ANXA2: variants seen among roughly 807,000 people sequenced by gnomAD.
The protein encoded by ANXA2 is annexin II.
Under a neutral mutation model 47.3 loss-of-function variants are expected in ANXA2, and 28 were observed. The observed-to-expected ratio is 0.59, with a 90% CI of 0.44 to 0.81. The LOEUF is 0.81. ANXA2 is among the 40% of genes least tolerant of loss of function. The pLI, the probability that ANXA2 is intolerant of heterozygous loss-of-function variation, is 0.00. For synonymous variants in ANXA2, 172 were observed against 155.5 expected (o/e 1.11, Z -0.79); for missense variants, 384 against 414.3 (o/e 0.93, Z 0.64).
At chr15:60,360,912 G>C (rs2062502721) in intron 5 of ANXA2, 29 bp downstream of exon 5, 8 of 1,360,604 alleles carry the variant, frequency 5.9e-6, no homozygotes, top group Non-Finnish European at 8.4e-6. Context: ...TAGCAGATTT[G>C]ACAGAGATGA....
intron 3 of ANXA2, among the ~76,000 whole-genome samples, chr15:60,366,258 C>T (rs1302685114): frequency 1.4e-3 from 205 of 151,476 alleles, no homozygotes; most frequent in South Asian, 6.3e-4. Context: ...AGCCTCTGCC[C>T]GGCCGCCACC....
At position 60,347,447 on chromosome 15, in the gene ANXA2, T is replaced by C; in HGVS notation, c.*183A>G. 1.6e-6 allele frequency: 1 copy of C among 616,976 alleles called. No homozygotes were observed. Among genetic ancestry groups the C allele is most frequent in the East Asian group, 2.7e-5 (1 of 36,588 alleles). The allele number at this position is 616,976 out of a possible 1,614,324, so 38.2% of individuals were successfully genotyped here. On this transcript the variant is annotated 3_prime_UTR_variant, in exon 13 of 13. Coordinates refer to ENST00000451270, the MANE Select transcript of ANXA2 (RefSeq NM_004039.3). ...CCTTGGAATGTTCATTTCTTTGGCT[T>C]ACAGGAGAGACTAGACAGGAAGGCC... is the stretch of plus-strand genomic sequence containing the variant.
chr15:60,374,482 G>A (rs1472435647), intron 3 of ANXA2: 4 of 456,076 alleles, frequency 8.8e-6, no homozygotes, highest in Middle Eastern at 3.3e-4. Context: ...TGGCATTGCT[G>A]ACACCAGATT....
At chr15:60,396,439 G>A (rs2063082177) in intron 1 of ANXA2, 1 of 151,934 alleles carries the variant, frequency 6.6e-6, no homozygotes. Flanking sequence ...TAAGGAGGTG[G>A]AAGGTGGAAA....
At chr15:60,357,689 G>A (rs924574494) in intron 5 of ANXA2, among the ~76,000 whole-genome samples, 2 of 152,000 alleles carry the variant, frequency 1.3e-5, no homozygotes, top group Non-Finnish European at 1.5e-5. Flanking sequence ...GCTACCCTGG[G>A]AGGCTGAGGC....
chr15:60,384,697 T>TA (rs966827833), intron 2 of ANXA2: 1 of 152,202 alleles, frequency 6.6e-6, no homozygotes, highest in Non-Finnish European at 1.5e-5. Context: ...AAAAAGATTT[T>TA]AAAAAAACTC....
chr15:60,377,150 T>G (rs2062791093), intron 3 of ANXA2, among the ~76,000 whole-genome samples: 1 of 152,204 alleles, frequency 6.6e-6, no homozygotes, highest in Non-Finnish European at 1.5e-5. Flanking sequence ...CAAGGTGTGG[T>G]GTAAGCTTCT....
intron 4 of ANXA2, among the ~76,000 whole-genome samples, chr15:60,362,307 G>A (rs188141096): frequency 5.8e-4 from 89 of 152,244 alleles, no homozygotes; most frequent in African/African-American, 2.0e-3. Context: ...GGCACCTACT[G>A]ACTTCTTCCA....
intron 3 of ANXA2, chr15:60,374,793 G>A (rs1210139242): frequency 2.3e-6 from 1 of 433,898 alleles, no homozygotes; most frequent in South Asian, 1.6e-5. Flanking sequence ...GCTGTAAGAT[G>A]AGAAGTCAGT....
intron 7 of ANXA2, 134 bp from the exon 8 acceptor site, chr15:60,354,347 G>T: frequency 1.3e-6 from 1 of 779,738 alleles, no homozygotes; most frequent in Non-Finnish European, 2.0e-6. Flanking sequence ...TTCTTACTTT[G>T]AAACATAGAT....
intron 5 of ANXA2, among the ~76,000 whole-genome samples, chr15:60,358,958 T>C (rs1006933332): frequency 5.3e-5 from 8 of 152,222 alleles, no homozygotes; most frequent in Non-Finnish European, 7.3e-5. Flanking sequence ...AAAGGTGACC[T>C]TGGCAATTTC....
intron 11 of ANXA2, among the ~76,000 whole-genome samples, chr15:60,349,885 C>G (rs144556340): frequency 0.14 from 7,243 of 52,540 alleles, 495 homozygotes; most frequent in Middle Eastern, 0.22. Context: ...GGCAAGGAGG[C>G]AGGAGAAGGC....
chr15:60,363,044 A>AC (rs1566936075), intron 4 of ANXA2: 1 of 150,678 alleles, frequency 6.6e-6, no homozygotes, highest in African/African-American at 2.5e-5. Flanking sequence ...AAAAAAAAAA[A>AC]AAAAAAAAAA....
intron 1 of ANXA2, among the ~76,000 whole-genome samples, chr15:60,397,682 A>C (rs2063100038): frequency 6.8e-6 from 1 of 147,770 alleles, no homozygotes; most frequent in Non-Finnish European, 1.5e-5. Context: ...CTTCTTAGAG[A>C]AGCCCGACCC....
At chr15:60,378,704 A>G in intron 3 of ANXA2, among the ~76,000 whole-genome samples, 1 of 152,184 alleles carries the variant, frequency 6.6e-6, no homozygotes, top group East Asian at 1.9e-4. Context: ...GGTGTCTCAT[A>G]CCTGTAATCC....
At chr15:60,372,276 TC>T (rs2062720750) in intron 3 of ANXA2, among the ~76,000 whole-genome samples, 1 of 152,024 alleles carries the variant, frequency 6.6e-6, no homozygotes, top group South Asian at 2.1e-4. Flanking sequence ...GCCATTGTCA[TC>T]CCGGTTGTAC....
intron 2 of ANXA2, chr15:60,385,789 C>T (rs775436770): frequency 1.3e-5 from 6 of 448,452 alleles, no homozygotes; most frequent in Non-Finnish European, 2.4e-5. Context: ...TCCAGCCATT[C>T]CAGTGTCACT....
intron 3 of ANXA2, among the ~76,000 whole-genome samples, chr15:60,365,826 G>GTCTCCT (rs1566937550): frequency 1.9e-5 from 2 of 104,536 alleles, no homozygotes; most frequent in East Asian, 5.0e-4. Context: ...TTGCTGCTGA[G>GTCTCCT]TCTCCCTCTC....
chr15:60,355,604 A>T (rs1250556604), intron 7 of ANXA2: 3 of 441,812 alleles, frequency 6.8e-6, no homozygotes, highest in Non-Finnish European at 4.2e-6. Context: ...CTGCATGACC[A>T]CAGATAGAGG....
Sources: gnomAD v4.1 joint callset for allele counts (sites outside exome capture counted in the v4.1 genomes callset) on GRCh38, gnomAD v4.1.1 for gene constraint, MANE v1.5 for transcripts, NCBI Gene and HGNC (gene_info 2026-07-23, HGNC 2026-07-21) for gene names.